TREM1: variants seen among roughly 807,000 people sequenced by gnomAD.
The protein encoded by TREM1 is triggering receptor expressed on myeloid cells 1.
Under a neutral mutation model 22.4 loss-of-function variants are expected in TREM1, and 16 were observed. The ratio of observed to expected loss-of-function variants is 0.71; its 90% CI spans 0.48 to 1.08. The LOEUF is 1.08. Ranked by LOEUF, TREM1 falls within the 50% of genes least tolerant of loss-of-function variation. The pLI, the probability that TREM1 is intolerant of heterozygous loss-of-function variation, is 0.00. For synonymous variants in TREM1, 110 were observed against 111.6 expected, an observed-to-expected ratio of 0.99 and a Z score of 0.09; for missense variants, 283 against 282.9, an observed-to-expected ratio of 1.00 and a Z score of 0.00.
chr6:41,267,975 T>C lies in TREM1; in HGVS notation c.713A>G (p.Gln238Arg), dbSNP rs1767374645. The change falls in exon 4 of 4, where the codon CAA (glutamine) becomes CGA (arginine). Residue 238 changes from glutamine to arginine, a missense_variant. Coordinates refer to the TREM1 transcript ENST00000589614. ...TCCTTTATAACATGAATGCAAGGAT[T>C]GAGTTCCAGCCTGGGAGAAGAACTG... 5 of 398,662 alleles carry C rather than the reference T, an allele frequency of 1.3e-5. No individual in the cohort carries two copies. The East Asian group carries it at 1.8e-4, about 14-fold the overall frequency. The allele number at this position is 398,662 out of a possible 1,614,324, so 24.7% of individuals were successfully genotyped here. A position where few individuals can be genotyped will look rare whatever the true frequency, so the allele number is the denominator to read the frequency against.
At chr6:41,283,176 C>G (rs11970530) in intron 1 of TREM1, among the ~76,000 whole-genome samples, 9,270 of 152,232 alleles carry the variant, frequency 0.061, 721 homozygotes, top group African/African-American at 0.18. Context: ...TCCAAGGACA[C>G]CTTGAGGAAC....
chr6:41,286,676 AACTGCTGCTGAGGGCTCCCGGG>A, exon 1 of TREM1: 1 of 1,613,904 alleles, frequency 6.2e-7, no homozygotes, highest in Non-Finnish European at 8.5e-7. Flanking sequence ...CACCAGCTCC[AACTGCTGCTGAGGGCTCCCGGG>A]ACAGCTACAA....
At chr6:41,279,674 G>T (rs1561919703) in intron 3 of TREM1, 1 of 985,410 alleles carries the variant, frequency 1.0e-6, no homozygotes, top group Non-Finnish European at 1.2e-6. Context: ...GCAGGCACCA[G>T]TTCACATTTG....
chr6:41,272,127 G>A (rs537155173), downstream of TREM1, among the ~76,000 whole-genome samples: 1 of 152,312 alleles, frequency 6.6e-6, no homozygotes, highest in South Asian at 2.1e-4. Context: ...CTTGGGGGAA[G>A]TGTGACTCGG....
intron 2 of TREM1, 91 bp from the exon 3 acceptor site, chr6:41,281,244 A>T: frequency 7.0e-7 from 1 of 1,432,882 alleles, no homozygotes; most frequent in Non-Finnish European, 9.5e-7. Flanking sequence ...GTATGGATGA[A>T]AATGTGGATG....
intron 3 of TREM1, chr6:41,279,703 T>G (rs1184981129): frequency 1.0e-5 from 10 of 985,294 alleles, no homozygotes; most frequent in Non-Finnish European, 1.2e-5. Context: ...GGAATGTGAT[T>G]TAACTCACAC....
At chr6:41,272,745 T>C (rs1441717771), downstream of TREM1, among the ~76,000 whole-genome samples, 3 of 152,012 alleles carry the variant, frequency 2.0e-5, no homozygotes, top group Admixed American at 2.0e-4. Flanking sequence ...TGAGCTAACC[T>C]GTCCAGGCAC....
chr6:41,276,110 C>T lies in TREM1; in HGVS notation c.*15G>A, dbSNP rs752456441. The T allele has an allele frequency of 1.9e-5, 30 of 1,604,256 alleles. No homozygotes were observed. The Middle Eastern group carries it at 4.9e-4, about 26-fold the overall frequency. Reference sequence around the variant, plus strand: ...GTGGCTGGAAGTCAGAGGACATTCTCGTGGGTTCGTGGGCCTAGGGTACAA... The same window carrying T: ...GTGGCTGGAAGTCAGAGGACATTCTTGTGGGTTCGTGGGCCTAGGGTACAA... On this transcript the variant is annotated 3_prime_UTR_variant, in exon 4 of 4. Transcript: ENST00000244709.
rs11341322 is a variant in TREM1 at position 41,277,907 on chromosome 6, C to CTTTT, written c.600-1681_600-1678dup. On this transcript the variant is annotated intron_variant, in intron 3 of 3. Transcript: ENST00000244709. ...CTTCCTAAAACATTTTTCTTTTTGT[C>CTTTT]TTTTTTTTTTTTTTTTTTTTTTAGA... 1.4e-4 allele frequency among the ~76,000 whole-genome samples: 16 copies of CTTTT among 111,314 alleles called. 1 individual carries two copies. The highest frequency in any genetic ancestry group is 7.6e-4 in the Admixed American group (8 of 10,488). The allele number at this position is 111,314 out of a possible 152,430, so 73.0% of individuals were successfully genotyped here. A position where few individuals can be genotyped will look rare whatever the true frequency, so the allele number is the denominator to read the frequency against.
downstream of TREM1, among the ~76,000 whole-genome samples, chr6:41,269,506 G>A (rs1767419484): frequency 6.6e-6 from 1 of 152,180 alleles, no homozygotes; most frequent in Non-Finnish European, 1.5e-5. Context: ...CTGCAGTGAA[G>A]ACAGCAGCAC....
At chr6:41,283,453 G>A (rs1768017758) in intron 1 of TREM1, among the ~76,000 whole-genome samples, 1 of 152,190 alleles carries the variant, frequency 6.6e-6, no homozygotes, top group Non-Finnish European at 1.5e-5. Context: ...GCTCACGCAT[G>A]TAATCCCACA....
At chr6:41,284,424 C>A (rs180759964) in intron 1 of TREM1, among the ~76,000 whole-genome samples, 20 of 152,248 alleles carry the variant, frequency 1.3e-4, no homozygotes, top group Admixed American at 6.5e-4. Flanking sequence ...ATTGGGGATG[C>A]TCATCTGGCC....
rs563762965 is a variant in TREM1, at chr6:41,285,446, A to G, written c.49+1161T>C. 3.9e-5 allele frequency among the ~76,000 whole-genome samples: 6 copies of G among 152,356 alleles called. No homozygotes were observed. The East Asian group carries it at 9.6e-4, about 24-fold the overall frequency. Reference sequence around the variant, plus strand: ...TAAGTGATTTGCCCAAAGTCTCACCATAGTTAAGTACTAGAGCCAGGATTC... The same window carrying G: ...TAAGTGATTTGCCCAAAGTCTCACCGTAGTTAAGTACTAGAGCCAGGATTC... On this transcript the variant is annotated intron_variant, in intron 1 of 3. Transcript: ENST00000244709.
chr6:41,277,907 C>CTTTTTTTT (rs11341322), intron 3 of TREM1, among the ~76,000 whole-genome samples: 7 of 111,312 alleles, frequency 6.3e-5, no homozygotes, highest in Admixed American at 9.5e-5. Flanking sequence ...TTCTTTTTGT[C>CTTTTTTTT]TTTTTTTTTT....
intron 1 of TREM1, among the ~76,000 whole-genome samples, chr6:41,284,441 A>G (rs757142624): frequency 3.3e-5 from 5 of 152,118 alleles, no homozygotes; most frequent in Non-Finnish European, 7.4e-5. Flanking sequence ...GGCCTTGTCC[A>G]AGGGAGCCTT....
intron 2 of TREM1, chr6:41,281,423 A>G (rs952645512): frequency 5.2e-5 from 23 of 441,216 alleles, no homozygotes; most frequent in African/African-American, 3.2e-4. Context: ...GAGGGAGAGC[A>G]GAAAGAGAGA....
In TREM1 at chr6:41,276,157, A is replaced by G. The variant is rs1289905809; in HGVS notation, c.673T>C (p.Phe225Leu). ...ACAAATGACCTCAGCGTGACAGCAAACAGGACAGAGAAGACCAGGCTCTTA... is the reference window on the plus strand; with the variant it reads ...ACAAATGACCTCAGCGTGACAGCAAGCAGGACAGAGAAGACCAGGCTCTTA... ...LSKSLVFSVL[F>L]AVTLRSFVP Residue 225 changes from phenylalanine (F) to leucine (L), a missense_variant, in exon 4 of 4, where the codon TTT (phenylalanine) becomes CTT (leucine). Transcript: ENST00000244709. 6.2e-7 allele frequency: 1 copy of G among 1,614,028 alleles called. No homozygotes were observed.
chr6:41,284,764 C>T (rs1430222257), intron 1 of TREM1, among the ~76,000 whole-genome samples: 1 of 152,156 alleles, frequency 6.6e-6, no homozygotes, highest in African/African-American at 2.4e-5. Flanking sequence ...AACAGATCTG[C>T]CTGACCTTAG....
chr6:41,268,693 G>A (rs1184074104), downstream of TREM1, among the ~76,000 whole-genome samples: 2 of 152,196 alleles, frequency 1.3e-5, no homozygotes, highest in Non-Finnish European at 2.9e-5. Context: ...AAGGCAGAGA[G>A]GGACCAAGAA....
Sources: gnomAD v4.1 joint callset for allele counts (sites outside exome capture counted in the v4.1 genomes callset) on GRCh38, gnomAD v4.1.1 for gene constraint, MANE v1.5 for transcripts, NCBI Gene and HGNC (gene_info 2026-07-23, HGNC 2026-07-21) for gene names.